Variants in GRM1 observed in about 807,000 individuals in gnomAD.
The protein encoded by GRM1 is glutamate metabotropic receptor 1, also known as metabotropic glutamate receptor 1.
In GRM1, 33 loss-of-function variants were observed where a neutral mutation model predicts 90.9. The ratio of observed to expected loss-of-function variants is 0.36; its 90% CI spans 0.28 to 0.49. The LOEUF is 0.49. Ranked by LOEUF, GRM1 falls within the 20% of genes least tolerant of loss-of-function variation. The pLI is 0.99. For synonymous variants in GRM1, 700 were observed against 613.2 expected (o/e 1.14, Z -2.09); for missense variants, 1,190 against 1,534.3 (o/e 0.78, Z 3.75).
chr6:146,273,424 C>T (rs1782241649), intron 2 of GRM1, among the ~76,000 whole-genome samples: 2 of 152,166 alleles, frequency 1.3e-5, no homozygotes, highest in African/African-American at 4.8e-5. Flanking sequence ...ATTCTTCAAA[C>T]ACAAAGCCAA....
At chr6:146,106,041 G>T (rs573075937) in intron 1 of GRM1, among the ~76,000 whole-genome samples, 3 of 152,236 alleles carry the variant, frequency 2.0e-5, no homozygotes, top group Middle Eastern at 6.8e-3. Context: ...ATAGAATTTG[G>T]TCTGTACATA....
At chr6:146,340,071 A>C (rs1784915300) in intron 3 of GRM1, among the ~76,000 whole-genome samples, 1 of 152,216 alleles carries the variant, frequency 6.6e-6, no homozygotes, top group Admixed American at 6.5e-5. Flanking sequence ...AGGCATAAGG[A>C]AATCATTTCT....
At chr6:146,249,139 T>C (rs1477773501) in intron 2 of GRM1, among the ~76,000 whole-genome samples, 3 of 152,218 alleles carry the variant, frequency 2.0e-5, no homozygotes, top group African/African-American at 7.2e-5. Flanking sequence ...TAAAGATTTA[T>C]AAAATTTGCA....
At chr6:146,253,613 A>G (rs758821282) in intron 2 of GRM1, among the ~76,000 whole-genome samples, 2 of 152,200 alleles carry the variant, frequency 1.3e-5, no homozygotes, top group Admixed American at 6.5e-5. Context: ...CTTAAAATCA[A>G]TGAAAAGATC....
intron 2 of GRM1, among the ~76,000 whole-genome samples, chr6:146,275,994 CAGAGAG>C (rs150993040): frequency 7.4e-5 from 11 of 148,764 alleles, no homozygotes; most frequent in East Asian, 3.9e-4. Context: ...AGGAGGAAGG[CAGAGAG>C]AGAGAGAGAG....
chr6:146,045,234 T>C (rs1195567739), intron 1 of GRM1, among the ~76,000 whole-genome samples: 1 of 152,066 alleles, frequency 6.6e-6, no homozygotes, highest in Non-Finnish European at 1.5e-5. Flanking sequence ...GATATTTATC[T>C]ATTCATTTCT....
intron 2 of GRM1, among the ~76,000 whole-genome samples, chr6:146,262,956 A>G (rs1781755197): frequency 6.6e-6 from 1 of 152,006 alleles, no homozygotes; most frequent in African/African-American, 2.4e-5. Context: ...ACAGCCATCC[A>G]TATGGTATTT....
chr6:146,431,924 G>A (rs1400084350), intron 7 of GRM1, among the ~76,000 whole-genome samples: 1 of 152,170 alleles, frequency 6.6e-6, no homozygotes, highest in Non-Finnish European at 1.5e-5. Context: ...AGTGGAAGAT[G>A]AGTTTACCTA....
chr6:146,067,038 A>G (rs1397703979), intron 1 of GRM1, among the ~76,000 whole-genome samples: 2 of 152,228 alleles, frequency 1.3e-5, no homozygotes, highest in Non-Finnish European at 2.9e-5. Context: ...ATCCATGCTT[A>G]CTAGAGAGTT....
intron 2 of GRM1, among the ~76,000 whole-genome samples, chr6:146,267,470 T>G (rs957754042): frequency 6.6e-6 from 1 of 152,108 alleles, no homozygotes; most frequent in Non-Finnish European, 1.5e-5. Flanking sequence ...GTTTATTAAG[T>G]ATTAACATAC....
chr6:146,153,950 C>G (rs1777430913), intron 1 of GRM1, among the ~76,000 whole-genome samples: 1 of 152,128 alleles, frequency 6.6e-6, no homozygotes, highest in South Asian at 2.1e-4. Context: ...AAGAAGTAAC[C>G]TAAGAATCAG....
At chr6:146,214,280 A>C (rs557854178) in intron 2 of GRM1, among the ~76,000 whole-genome samples, 2 of 152,336 alleles carry the variant, frequency 1.3e-5, no homozygotes, top group South Asian at 4.1e-4. Context: ...GTAAGTACTA[A>C]ATTAGACTGG....
intron 1 of GRM1, among the ~76,000 whole-genome samples, chr6:146,079,251 A>G (rs778603869): frequency 2.0e-5 from 3 of 152,202 alleles, no homozygotes; most frequent in Admixed American, 6.5e-5. Flanking sequence ...TAGGTTGAGC[A>G]GCATGCGGTT....
At chr6:146,357,765 C>A in intron 5 of GRM1, 71 bp downstream of exon 5, 1 of 1,189,202 alleles carries the variant, frequency 8.4e-7, no homozygotes, top group Non-Finnish European at 1.2e-6. Context: ...TAAAGAACAA[C>A]ACAGACAATT....
chr6:146,106,190 G>T (rs1251352609), intron 1 of GRM1, among the ~76,000 whole-genome samples: 1 of 152,144 alleles, frequency 6.6e-6, no homozygotes, highest in Non-Finnish European at 1.5e-5. Flanking sequence ...TGTAAAATGT[G>T]ATTAGAACAC....
rs560395202 is a variant in GRM1 at position 146,286,295 on chromosome 6, A to G, written c.951-18316A>G. Among the ~76,000 whole-genome samples, 3 of 152,316 alleles carry G rather than the reference A, an allele frequency of 2.0e-5. No homozygotes were observed. In the South Asian group the frequency reaches 6.2e-4, roughly 32 times the overall value. On this transcript the variant is annotated intron_variant, in intron 2 of 7. Coordinates refer to ENST00000282753, the MANE Select transcript of GRM1 (RefSeq NM_001278064.2). ...AAGAAAACTCGATACATATAAAAAT[A>G]CAAAATGGAAAGGAGCTAAATGAGG...
At chr6:146,417,961 T>C (rs997821057) in intron 7 of GRM1, among the ~76,000 whole-genome samples, 1 of 152,196 alleles carries the variant, frequency 6.6e-6, no homozygotes, top group Non-Finnish European at 1.5e-5. Context: ...TCTACCTTTT[T>C]TTTCCTCCTA....
chr6:146,279,262 A>G (rs1386803566), intron 2 of GRM1, among the ~76,000 whole-genome samples: 1 of 152,074 alleles, frequency 6.6e-6, no homozygotes. Flanking sequence ...CAGTATATCT[A>G]GAGGTTTATA....
chr6:146,105,777 A>T (rs1435184576), intron 1 of GRM1, among the ~76,000 whole-genome samples: 1 of 152,208 alleles, frequency 6.6e-6, no homozygotes, highest in Non-Finnish European at 1.5e-5. Context: ...AAATTTCTTT[A>T]GAGTCAAGAA....
Sources: gnomAD v4.1 joint callset for allele counts (sites outside exome capture counted in the v4.1 genomes callset) on GRCh38, gnomAD v4.1.1 for gene constraint, MANE v1.5 for transcripts, NCBI Gene and HGNC (gene_info 2026-07-23, HGNC 2026-07-21) for gene names.